Variants in SLC16A7 observed in about 807,000 individuals in gnomAD.
The protein encoded by SLC16A7 is monocarboxylate transporter 2.
Under a neutral mutation model 34.9 loss-of-function variants are expected in SLC16A7, and 33 were observed. The ratio of observed to expected loss-of-function variants is 0.94; its 90% confidence interval spans 0.72 to 1.26. The LOEUF (loss-of-function observed/expected upper bound fraction) is 1.26, where lower values mean the gene tolerates loss of function less well. Among genes scored for constraint, SLC16A7 ranks in the 50% most tolerant of loss-of-function variants. SLC16A7 has a pLI of 0.00. For synonymous variants in SLC16A7, 201 were observed against 206.6 expected (o/e 0.97, Z 0.23); for missense variants, 573 against 578.1 (o/e 0.99, Z 0.09).
chr12:59,633,125 A>C (rs1349715928), intron 1 of SLC16A7, among the ~76,000 whole-genome samples: 1 of 152,056 alleles, frequency 6.6e-6, no homozygotes, highest in Non-Finnish European at 1.5e-5. Flanking sequence ...TTCTTCAAAA[A>C]TCTGCCATGT....
Position 59,774,883 on chromosome 12 carries a change from A to G in SLC16A7, c.588A>G (p.Arg196=). The G allele has an allele frequency of 6.2e-7, 1 of 1,613,812 alleles. No homozygotes were observed. The highest frequency in any genetic ancestry group is 1.1e-5 in the South Asian group (1 of 91,052). ...CCTGTGTGGCTGGTTCCCTCATGAG[A>G]CCCCTTGGACCCAATCAAACCACTT... ...LNACVAGSLM[R]PLGPNQTTSK... Residue 196 remains arginine (R), a synonymous_variant, in exon 5 of 6, where the codon AGA becomes AGG. Coordinates refer to ENST00000547379, the MANE Select transcript of SLC16A7 (RefSeq NM_001270623.2).
chr12:59,782,454 G>T lies in SLC16A7; in HGVS notation c.*2775G>T, dbSNP rs758796832. 1 of 152,156 alleles carries T rather than the reference G, an allele frequency of 6.6e-6. No individual in the cohort carries two copies. The highest frequency in any genetic ancestry group is 1.5e-5 in the Non-Finnish European group (1 of 68,018). The allele number at this position is 152,156 out of a possible 1,614,324, so 9.4% of individuals were successfully genotyped here. On this transcript the variant is annotated 3_prime_UTR_variant, in exon 6 of 6. Coordinates refer to ENST00000547379, the MANE Select transcript of SLC16A7 (RefSeq NM_001270623.2). ...TTGGCTTCTGCCTCTGCAACAATTA[G>T]TATGAACATATTTCTTTCTCTAGGG...
intron 3 of SLC16A7, among the ~76,000 whole-genome samples, chr12:59,718,996 A>G (rs188591180): frequency 6.7e-4 from 102 of 152,254 alleles, no homozygotes; most frequent in African/African-American, 2.3e-3. Context: ...AATGCACTAG[A>G]GTAAGAAAAC....
intron 2 of SLC16A7, among the ~76,000 whole-genome samples, chr12:59,690,656 C>G (rs1392154054): frequency 6.6e-6 from 1 of 152,014 alleles, no homozygotes; most frequent in African/African-American, 2.4e-5. Context: ...AGTTGTTCTT[C>G]TCTTCCTGGT....
At chr12:59,746,417 G>T (rs1481986738) in intron 3 of SLC16A7, among the ~76,000 whole-genome samples, 5 of 152,320 alleles carry the variant, frequency 3.3e-5, no homozygotes, top group African/African-American at 9.6e-5. Context: ...ACCTGAAAAT[G>T]CTAGAAAGGT....
intron 2 of SLC16A7, among the ~76,000 whole-genome samples, chr12:59,664,050 G>A (rs190183117): frequency 2.6e-5 from 4 of 152,028 alleles, no homozygotes; most frequent in East Asian, 3.9e-4. Flanking sequence ...CATGAGCCTC[G>A]AATCTAGACA....
chr12:59,764,903 G>A lies in SLC16A7; in HGVS notation c.218-6316G>A, dbSNP rs866793577. 7.2e-5 allele frequency among the ~76,000 whole-genome samples: 11 copies of A among 152,230 alleles called. No individual in the cohort carries two copies. The South Asian group carries it at 8.3e-4, about 11-fold the overall frequency. On this transcript the variant is annotated intron_variant, in intron 3 of 5. Transcript: ENST00000547379. ...TCTAGTTCTAGATCCCTGAGGAATC[G>A]CCACACTGTCTTCCACAATGGTTGA...
At chr12:59,607,025 A>G (rs1353430429) in intron 1 of SLC16A7, among the ~76,000 whole-genome samples, 1 of 152,198 alleles carries the variant, frequency 6.6e-6, no homozygotes, top group Non-Finnish European at 1.5e-5. Flanking sequence ...TTTTGTAAAT[A>G]AAGTGTTTTT....
intron 1 of SLC16A7, among the ~76,000 whole-genome samples, chr12:59,624,395 A>G (rs1004878768): frequency 7.9e-5 from 12 of 151,706 alleles, no homozygotes; most frequent in African/African-American, 2.9e-4. Context: ...TTGCTACTTA[A>G]TGGTGTTATG....
At chr12:59,751,433 G>A (rs1016303215) in intron 3 of SLC16A7, among the ~76,000 whole-genome samples, 9 of 152,208 alleles carry the variant, frequency 5.9e-5, no homozygotes, top group African/African-American at 2.2e-4. Flanking sequence ...CTTAAAAAAC[G>A]GTGCACCAGG....
chr12:59,738,723 A>G (rs138695960), intron 3 of SLC16A7, among the ~76,000 whole-genome samples: 2 of 152,264 alleles, frequency 1.3e-5, no homozygotes, highest in East Asian at 3.9e-4. Context: ...GTGAAAGACT[A>G]TGAGCACACA....
intron 1 of SLC16A7, among the ~76,000 whole-genome samples, chr12:59,602,981 T>C (rs1878761532): frequency 1.3e-5 from 2 of 152,222 alleles, no homozygotes; most frequent in African/African-American, 2.4e-5. Flanking sequence ...TCCAGTATCC[T>C]GTGGTCTCTT....
At chr12:59,640,592 C>T (rs1356511428) in intron 1 of SLC16A7, among the ~76,000 whole-genome samples, 1 of 151,970 alleles carries the variant, frequency 6.6e-6, no homozygotes, top group Non-Finnish European at 1.5e-5. Context: ...GGATCCATGC[C>T]ACCGTTTACT....
intron 2 of SLC16A7, among the ~76,000 whole-genome samples, chr12:59,689,679 T>A (rs1015957112): frequency 6.6e-6 from 1 of 152,086 alleles, no homozygotes; most frequent in African/African-American, 2.4e-5. Context: ...CCTAGAAGTA[T>A]CCAGGAATTT....
At chr12:59,722,366 A>G (rs916332674) in intron 3 of SLC16A7, among the ~76,000 whole-genome samples, 2 of 151,882 alleles carry the variant, frequency 1.3e-5, no homozygotes, top group Non-Finnish European at 2.9e-5. Context: ...TTTATAGTCT[A>G]GATTATCTTT....
intron 2 of SLC16A7, chr12:59,664,869 T>C (rs1345094552): frequency 6.6e-6 from 1 of 152,154 alleles, no homozygotes; most frequent in African/African-American, 2.4e-5. Context: ...TGGCTAAAAG[T>C]TAATGATCAG....
intron 1 of SLC16A7, among the ~76,000 whole-genome samples, chr12:59,647,517 C>T (rs1405384443): frequency 6.6e-6 from 1 of 152,180 alleles, no homozygotes; most frequent in African/African-American, 2.4e-5. Flanking sequence ...TATAAATTAT[C>T]CTGTCTCAGG....
chr12:59,729,117 T>G (rs1358871603), intron 3 of SLC16A7, among the ~76,000 whole-genome samples: 1 of 152,254 alleles, frequency 6.6e-6, no homozygotes, highest in Non-Finnish European at 1.5e-5. Flanking sequence ...ACTCAACACA[T>G]TCTTATTAAT....
intron 1 of SLC16A7, among the ~76,000 whole-genome samples, chr12:59,624,773 T>C (rs1879852121): frequency 6.6e-6 from 1 of 151,050 alleles, no homozygotes; most frequent in Non-Finnish European, 1.5e-5. Context: ...TGTGTGTGTG[T>C]CTATCTATAT....
Sources: gnomAD v4.1 joint callset for allele counts (sites outside exome capture counted in the v4.1 genomes callset) on GRCh38, gnomAD v4.1.1 for gene constraint, MANE v1.5 for transcripts, NCBI Gene and HGNC (gene_info 2026-07-23, HGNC 2026-07-21) for gene names.